The following YEATS2 variants were observed in gnomAD, a reference collection of about 807,000 sequenced individuals.
The protein encoded by YEATS2 is YEATS domain containing 2, also known as YEATS domain-containing protein 2.
Under a neutral mutation model 163.2 loss-of-function variants are expected in YEATS2, and 77 were observed. The observed-to-expected ratio is 0.47, with a 90% CI of 0.39 to 0.57. The LOEUF is 0.57. YEATS2 is among the 20% of genes least tolerant of loss of function. The pLI is 0.00. For synonymous variants in YEATS2, 631 were observed against 645.1 expected, an observed-to-expected ratio of 0.98 and a Z score of 0.33; for missense variants, 1,549 against 1,729.8, an observed-to-expected ratio of 0.90 and a Z score of 1.85.
In YEATS2 at chr3:183,754,217, C is replaced by T. The variant is rs1417752357; in HGVS notation, c.1242C>T (p.Ser414=). ...LERTPTKMTT[S]QKVTFCSHGN... ...GAACACCCACCAAAATGACTACATC[C>T]CAGAAAGTTACCTTTTGTTCCCATG... The change falls in exon 11 of 31, where the codon TCC becomes TCT. Residue 414 remains serine (S), a synonymous_variant. Coordinates refer to ENST00000305135, the MANE Select transcript of YEATS2 (RefSeq NM_018023.5). The T allele has an allele frequency of 1.2e-6, 2 of 1,613,952 alleles. No individual in the cohort carries two copies. The highest frequency in any genetic ancestry group is 3.3e-5 in the Admixed American group (2 of 60,002).
intron 9 of YEATS2, among the ~76,000 whole-genome samples, chr3:183,749,537 T>C (rs571592393): frequency 3.9e-5 from 6 of 152,350 alleles, no homozygotes; most frequent in East Asian, 1.9e-4. Context: ...TCATAACATA[T>C]GTGTCTCTTT....
At position 183,811,380 on chromosome 3, in the gene YEATS2, C is replaced by T. The variant is rs919096214; in HGVS notation, c.*797C>T. 1.3e-5 allele frequency: 2 copies of T among 152,640 alleles called. No individual in the cohort carries two copies. Among genetic ancestry groups the T allele is most frequent in the Non-Finnish European group, 1.5e-5 (1 of 68,100 alleles). The allele number at this position is 152,640 out of a possible 1,614,324, so 9.5% of individuals were successfully genotyped here. ...TGTGCGAAGCAGATCGCAGGTTCCACGCCATCTGCATGGCCTGCAGGAGCT... is the reference window on the plus strand; with the variant it reads ...TGTGCGAAGCAGATCGCAGGTTCCATGCCATCTGCATGGCCTGCAGGAGCT... On this transcript the variant is annotated 3_prime_UTR_variant, in exon 31 of 31. Coordinates refer to ENST00000305135, the MANE Select transcript of YEATS2 (RefSeq NM_018023.5).
At chr3:183,803,468 T>G in intron 26 of YEATS2, 133 bp downstream of exon 26, 1 of 918,158 alleles carries the variant, frequency 1.1e-6, no homozygotes, top group Non-Finnish European at 1.7e-6. Flanking sequence ...AAATCTCATT[T>G]TTCAAAGACC....
At chr3:183,726,922 C>T (rs1300818024) in intron 6 of YEATS2, among the ~76,000 whole-genome samples, 2 of 152,132 alleles carry the variant, frequency 1.3e-5, no homozygotes, top group African/African-American at 4.8e-5. Context: ...CTGCGTCAGC[C>T]TCACAAGTAG....
rs371988576 is a variant in YEATS2 at position 183,804,175 on chromosome 3, C to T, written c.3771C>T (p.Ile1257=). The T allele has an allele frequency of 9.4e-5, 151 of 1,614,026 alleles. No individual in the cohort carries two copies. The Middle Eastern group carries it at 1.2e-3, about 12-fold the overall frequency. The change falls in exon 27 of 31, where the codon ATC becomes ATT. Residue 1257 remains isoleucine, a synonymous_variant. Transcript: ENST00000305135. ...GDSIEDVLTQ[I]DSEPECPSSF... ...CCATCGAGGACGTGCTGACCCAGAT[C>T]GACAGCGAGCCCGGTAAGCCTTCAG... is the stretch of plus-strand genomic sequence containing the variant.
chr3:183,736,868 C>A (rs368808444), intron 8 of YEATS2, 39 bp downstream of exon 8: 2 of 1,556,288 alleles, frequency 1.3e-6, no homozygotes, highest in Non-Finnish European at 1.8e-6. Context: ...TTTGAAGTCT[C>A]TTTTTACCAG....
chr3:183,764,568 G>T (rs1298356635), intron 15 of YEATS2, among the ~76,000 whole-genome samples: 1 of 152,064 alleles, frequency 6.6e-6, no homozygotes, highest in Non-Finnish European at 1.5e-5. Flanking sequence ...CCAGCACTTT[G>T]GGAGGTCAAG....
intron 20 of YEATS2, among the ~76,000 whole-genome samples, chr3:183,788,148 T>G (rs1724247041): frequency 6.6e-6 from 1 of 152,196 alleles, no homozygotes; most frequent in Non-Finnish European, 1.5e-5. Context: ...ATTTATCTTT[T>G]TTTTAAACCA....
At chr3:183,746,040 C>T (rs1197293093) in intron 8 of YEATS2, among the ~76,000 whole-genome samples, 1 of 151,970 alleles carries the variant, frequency 6.6e-6, no homozygotes, top group Admixed American at 6.6e-5. Context: ...CGCCATGTTG[C>T]CCAGGCTGGT....
chr3:183,793,287 C>CGG (rs1724833445), intron 21 of YEATS2: 1 of 1,135,222 alleles, frequency 8.8e-7, no homozygotes, highest in African/African-American at 1.6e-5. Flanking sequence ...TGTAGCTCCA[C>CGG]ACCAGGCCCC....
At chr3:183,809,492 G>A (rs778377474) in intron 30 of YEATS2, 10 of 208,264 alleles carry the variant, frequency 4.8e-5, no homozygotes, top group Non-Finnish European at 8.6e-5. Flanking sequence ...TGTCAGACAC[G>A]AGGGCCAAGC....
intron 21 of YEATS2, among the ~76,000 whole-genome samples, 178 bp from the exon 22 acceptor site, chr3:183,797,745 C>A (rs891763730): frequency 6.6e-6 from 1 of 152,048 alleles, no homozygotes; most frequent in Non-Finnish European, 1.5e-5. Context: ...ATTGTCATGC[C>A]GATGTTTTAT....
intron 27 of YEATS2, chr3:183,806,073 ATGT>A (rs1211167939): frequency 1.4e-5 from 5 of 351,080 alleles, no homozygotes; most frequent in Non-Finnish European, 2.8e-5. Flanking sequence ...CTGTGATTTG[ATGT>A]TGTGACTTTA....
At chr3:183,712,875 C>T (rs181897037) in intron 1 of YEATS2, among the ~76,000 whole-genome samples, 91 of 152,136 alleles carry the variant, frequency 6.0e-4, no homozygotes, top group Admixed American at 2.6e-3. Flanking sequence ...ATTCTCCTGC[C>T]TTAGCCTCAC....
chr3:183,743,073 T>A (rs1436802461), intron 8 of YEATS2, among the ~76,000 whole-genome samples: 1 of 152,250 alleles, frequency 6.6e-6, no homozygotes, highest in Non-Finnish European at 1.5e-5. Context: ...TTATAAGCAC[T>A]GGGAAACAGA....
Position 183,804,101 on chromosome 3 carries a change from C to T in YEATS2, c.3697C>T (p.His1233Tyr). ...GCACATCGCTCACTGGTGCCGCTGT[C>T]ATGGCTACACCCCACCGGACCCTGA... The part of the protein sequence containing the change: ...TKHIAHWCRC[H>Y]GYTPPDPESL... The change falls in exon 27 of 31, where the codon CAT becomes TAT. Residue 1233 changes from histidine (H) to tyrosine (Y), a missense_variant. Physicochemically the swap from His to Tyr is moderately conservative, Grantham distance 83. Coordinates refer to ENST00000305135, the MANE Select transcript of YEATS2 (RefSeq NM_018023.5). 1.2e-6 allele frequency: 2 copies of T among 1,614,172 alleles called. No homozygotes were observed. Among genetic ancestry groups the T allele is most frequent in the Non-Finnish European group, 1.7e-6 (2 of 1,180,046 alleles).
chr3:183,711,046 ATAAAT>A (rs1262556348), intron 1 of YEATS2, among the ~76,000 whole-genome samples: 7 of 152,214 alleles, frequency 4.6e-5, no homozygotes, highest in Admixed American at 1.3e-4. Flanking sequence ...TTAAGGAAGA[ATAAAT>A]TAAGTTTATT....
At position 183,775,068 on chromosome 3, in the gene YEATS2, A is replaced by C. The variant is rs143251631; in HGVS notation, c.2369-847A>C. ...ATAGTCCAGGTAGTTCAAATGCATT[A>C]TCTCACCAAAAGAGAAGTAAAAAGA... On this transcript the variant is annotated intron_variant, in intron 17 of 30. Coordinates refer to ENST00000305135, the MANE Select transcript of YEATS2 (RefSeq NM_018023.5). Among the ~76,000 whole-genome samples, 322 of 152,332 alleles carry C rather than the reference A, an allele frequency of 2.1e-3. 2 individuals are homozygous for C. The highest frequency in any genetic ancestry group is 4.8e-3 in the African/African-American group (199 of 41,580).
At chr3:183,794,420 T>C (rs1459564236) in intron 21 of YEATS2, among the ~76,000 whole-genome samples, 1 of 152,232 alleles carries the variant, frequency 6.6e-6, no homozygotes, top group Non-Finnish European at 1.5e-5. Context: ...ATACTGCTGC[T>C]TTTCAAAATG....
Sources: gnomAD v4.1 joint callset for allele counts (sites outside exome capture counted in the v4.1 genomes callset) on GRCh38, gnomAD v4.1.1 for gene constraint, MANE v1.5 for transcripts, NCBI Gene and HGNC (gene_info 2026-07-23, HGNC 2026-07-21) for gene names.